GRHL3: variants seen among roughly 807,000 people sequenced by gnomAD.
The protein encoded by GRHL3 is grainyhead like transcription factor 3.
GRHL3 carries 20 observed loss-of-function variants against 70.3 expected under a neutral mutation model. The ratio of observed to expected loss-of-function variants is 0.28; its 90% CI spans 0.20 to 0.41. The LOEUF (loss-of-function observed/expected upper bound fraction) is 0.41, where lower values mean the gene tolerates loss of function less well. Ranked by LOEUF, GRHL3 falls within the 10% of genes least tolerant of loss-of-function variation. The pLI, the probability that GRHL3 is intolerant of heterozygous loss-of-function variation, is 1.00. For synonymous variants in GRHL3, 299 were observed against 299.9 expected (o/e 1.00, Z 0.03); for missense variants, 637 against 762.3 (o/e 0.84, Z 1.94).
intron 8 of GRHL3, among the ~76,000 whole-genome samples, chr1:24,340,632 G>A (rs940276591): frequency 6.6e-6 from 1 of 152,208 alleles, no homozygotes; most frequent in Non-Finnish European, 1.5e-5. Flanking sequence ...TCACTCAGCA[G>A]GGTCAGGTCC....
At chr1:24,360,776 G>T in intron 15 of GRHL3, 1 of 1,328,066 alleles carries the variant, frequency 7.5e-7, no homozygotes. Flanking sequence ...TAAATCAATG[G>T]CATTTGATGA....
At chr1:24,347,674 GT>G in intron 14 of GRHL3, 121 bp downstream of exon 14, 1 of 754,276 alleles carries the variant, frequency 1.3e-6, no homozygotes. Context: ...TGGCCTACCC[GT>G]CCCACCCTGT....
intron 15 of GRHL3, chr1:24,364,053 T>C: frequency 1.4e-5 from 19 of 1,321,296 alleles, no homozygotes; most frequent in Middle Eastern, 3.9e-4. Flanking sequence ...GCTTCCGTTT[T>C]ACCTTCCAGA....
chr1:24,323,185 G>A (rs1419996211), intron 1 of GRHL3: 2 of 927,988 alleles, frequency 2.2e-6, no homozygotes, highest in East Asian at 2.6e-5. Flanking sequence ...TCGTTAAGGG[G>A]AAGAGAGGGA....
At position 24,336,532 on chromosome 1, in the gene GRHL3, C is replaced by A. The variant is rs778208867; in HGVS notation, c.317C>A (p.Pro106His). 1 of 1,612,582 alleles carries A rather than the reference C, an allele frequency of 6.2e-7. No individual in the cohort carries two copies. Among genetic ancestry groups the A allele is most frequent in the Non-Finnish European group, 8.5e-7 (1 of 1,179,224 alleles). ...YETDLTPLESPTHLMKFLTEN... is the reference protein window; with the variant it reads ...YETDLTPLESHTHLMKFLTEN... Reference sequence around the variant, plus strand: ...ACGGACCTCACTCCCCTTGAAAGCCCCACACACCTCATGAAATTCCTGACA... The same window carrying A: ...ACGGACCTCACTCCCCTTGAAAGCCACACACACCTCATGAAATTCCTGACA... Residue 106 changes from proline (P) to histidine (H), a missense_variant, in exon 4 of 16, where the codon CCC (proline) becomes CAC (histidine). Transcript: ENST00000361548.
chr1:24,361,318 G>A (rs773218776), intron 15 of GRHL3, among the ~76,000 whole-genome samples: 3 of 152,190 alleles, frequency 2.0e-5, no homozygotes, highest in Non-Finnish European at 4.4e-5. Context: ...GGATAGGCCT[G>A]GCACACAGTG....
At position 24,364,201 on chromosome 1, in the gene GRHL3, C is replaced by T. The variant is rs994944673; in HGVS notation, c.1711C>T (p.His571Tyr). The T allele has an allele frequency of 3.3e-6, 5 of 1,518,006 alleles. No individual in the cohort carries two copies. In the African/African-American group the frequency reaches 5.6e-5, roughly 17 times the overall value. 94.0% of individuals were successfully genotyped at this position (1,518,006 alleles called of 1,614,324 possible). Reference sequence around the variant, plus strand: ...TTCTTCCAGGGAAACTTCTCTCCTCCACCCACGCCTGTCTCGCCACCCCCC... The same window carrying T: ...TTCTTCCAGGGAAACTTCTCTCCTCTACCCACGCCTGTCTCGCCACCCCCC... Residue 571 changes from histidine to tyrosine, a missense_variant, in exon 16 of 16, where the codon CAC becomes TAC. Transcript: ENST00000350501.
At chr1:24,361,097 C>T (rs769392979) in intron 15 of GRHL3, 10 of 1,484,726 alleles carry the variant, frequency 6.7e-6, no homozygotes, top group African/African-American at 1.4e-5. Context: ...GGGGAAGGCA[C>T]AGTTTCTAGA....
intron 15 of GRHL3, among the ~76,000 whole-genome samples, chr1:24,363,322 T>C (rs1641243819): frequency 6.6e-6 from 1 of 152,172 alleles, no homozygotes; most frequent in Admixed American, 6.5e-5. Context: ...GGATCTTTCA[T>C]GAGCACCAGC....
At chr1:24,343,581 C>T (rs1640131797) in intron 11 of GRHL3, among the ~76,000 whole-genome samples, 1 of 152,186 alleles carries the variant, frequency 6.6e-6, no homozygotes, top group African/African-American at 2.4e-5. Flanking sequence ...TGCTCCGCCT[C>T]TCAAGCAGCC....
chr1:24,340,307 C>G (rs1229109713), intron 8 of GRHL3, among the ~76,000 whole-genome samples: 1 of 152,194 alleles, frequency 6.6e-6, no homozygotes, highest in African/African-American at 2.4e-5. Flanking sequence ...TCTCACTTCT[C>G]TGAGCCTGTA....
At chr1:24,324,893 G>T (rs1246261486) in intron 1 of GRHL3, among the ~76,000 whole-genome samples, 1 of 152,068 alleles carries the variant, frequency 6.6e-6, no homozygotes, top group African/African-American at 2.4e-5. Context: ...TCCCCATTGA[G>T]GCCCCCAAAT....
chr1:24,345,312 C>T (rs902528137), intron 12 of GRHL3, among the ~76,000 whole-genome samples: 8 of 144,214 alleles, frequency 5.5e-5, no homozygotes, highest in African/African-American at 2.1e-4. Flanking sequence ...CCTGTACCCC[C>T]TCTACACCTG....
At position 24,334,716 on chromosome 1, in the gene GRHL3, G is replaced by A. The variant is rs1278486577; in HGVS notation, c.266+10G>A. 1 of 1,607,238 alleles carries A rather than the reference G, an allele frequency of 6.2e-7. No individual in the cohort carries two copies. The highest frequency in any genetic ancestry group is 1.7e-5 in the Admixed American group (1 of 59,014). On this transcript the variant is annotated intron_variant, in intron 3 of 15. Coordinates refer to ENST00000361548, the MANE Select transcript of GRHL3 (RefSeq NM_198173.3). The surrounding 1 kb of genome is among the most constrained non-coding windows in gnomAD (Gnocchi z 4.3). ...ATGACCAAGGAAAGAGGTGAGGCTT[G>A]CCAACACCCTCTGCCTCTTTGCCCT...
At chr1:24,320,532 C>G (rs1639140792) in intron 1 of GRHL3, among the ~76,000 whole-genome samples, 1 of 152,200 alleles carries the variant, frequency 6.6e-6, no homozygotes. Context: ...CACAGGCTCT[C>G]CTTTTCCTGC....
chr1:24,359,422 CAT>C (rs1640945415), downstream of GRHL3, among the ~76,000 whole-genome samples: 1 of 152,242 alleles, frequency 6.6e-6, no homozygotes, highest in African/African-American at 2.4e-5. This position sits in a 1 kb window ranked among gnomAD's most constrained non-coding sequence, Gnocchi z 5.3. Flanking sequence ...GGAGCATTTG[CAT>C]GTTTGCAATG....
chr1:24,364,150 C>G, intron 15 of GRHL3: 1 of 1,475,380 alleles, frequency 6.8e-7, no homozygotes, highest in African/African-American at 1.4e-5. Flanking sequence ...CCTGCAAACT[C>G]GAATTCAATT....
chr1:24,339,578 C>A, intron 7 of GRHL3, 90 bp from the exon 8 acceptor site: 1 of 836,252 alleles, frequency 1.2e-6, no homozygotes, highest in Non-Finnish European at 1.9e-6. Flanking sequence ...CACGCCCGGC[C>A]GAGTGAGGCC....
rs1639163557 is a variant in GRHL3 at position 24,321,082 on chromosome 1, A to C, written c.17+1514A>C. 6.6e-6 allele frequency among the ~76,000 whole-genome samples: 1 copy of C among 152,242 alleles called. No individual in the cohort carries two copies. On this transcript the variant is annotated intron_variant, in intron 1 of 15. Coordinates refer to ENST00000361548, the MANE Select transcript of GRHL3 (RefSeq NM_198173.3). The surrounding 1 kb of genome is among the most constrained non-coding windows in gnomAD (Gnocchi z 4.0). ...TTTTCCATACTTTGAACGCGCAAAA[A>C]AATCTTGACATGTGTCTCCATCCCA... is the stretch of plus-strand genomic sequence containing the variant.
Sources: allele counts gnomAD v4.1 joint callset (sites outside exome capture counted in the v4.1 genomes callset), GRCh38; gene constraint gnomAD v4.1.1; non-coding constraint Gnocchi (gnomAD v3.1); transcripts MANE v1.5; gene names NCBI Gene and HGNC (gene_info 2026-07-23, HGNC 2026-07-21).